The following ACBD5 variants were observed in gnomAD, a reference collection of about 807,000 sequenced individuals.
ACBD5 encodes acyl-CoA-binding domain-containing protein 5.
A neutral mutation model predicts 71.8 loss-of-function variants in ACBD5; 40 were observed. That is an observed-to-expected ratio of 0.56 (90% confidence interval 0.43 to 0.72). ACBD5 has a LOEUF of 0.72. Ranked by LOEUF, ACBD5 falls within the 30% of genes least tolerant of loss-of-function variation. ACBD5 has a pLI of 0.00. For missense variants in ACBD5, 559 were observed against 644.5 expected (o/e 0.87, Z 1.44); for synonymous variants, 229 against 218.6 (o/e 1.05, Z -0.42).
chr10:27,219,470 T>G lies in ACBD5; in HGVS notation c.625+253A>C, dbSNP rs78324900. ...AATAGCACATGTCTAATGCAGCATTTCAGGCCATCCATTTGGAGGAGTGGC... is the reference window on the plus strand; with the variant it reads ...AATAGCACATGTCTAATGCAGCATTGCAGGCCATCCATTTGGAGGAGTGGC... On this transcript the variant is annotated intron_variant, in intron 6 of 12. Transcript: ENST00000396271. 8.1e-3 allele frequency among the ~76,000 whole-genome samples: 1,240 copies of G among 152,328 alleles called. 9 individuals are homozygous for G. Among genetic ancestry groups the G allele is most frequent in the Non-Finnish European group, 0.012 (850 of 68,032 alleles).
At chr10:27,200,265 T>G (rs1326639722) in intron 12 of ACBD5, among the ~76,000 whole-genome samples, 1 of 152,178 alleles carries the variant, frequency 6.6e-6, no homozygotes, top group Non-Finnish European at 1.5e-5. Context: ...GAGTGACCTC[T>G]GGTCGTCCTC....
rs190522475 is a variant in ACBD5, at chr10:27,208,664, C to G, written c.1205-219G>C. Among the ~76,000 whole-genome samples the G allele has an allele frequency of 7.2e-5, 11 of 152,094 alleles. No homozygotes were observed. The East Asian group carries it at 2.1e-3, about 29-fold the overall frequency. On this transcript the variant is annotated intron_variant, in intron 9 of 12. Transcript: ENST00000396271. ...ACCAGCCTGGCCAACATGGCAAAAC[C>G]CTGTCTCTACTAAAAATACAAAAAT... is the stretch of plus-strand genomic sequence containing the variant.
At position 27,237,367 on chromosome 10, in the gene ACBD5, A is replaced by G. The variant is rs967957702; in HGVS notation, c.182-2155T>C. 2.6e-5 allele frequency among the ~76,000 whole-genome samples: 4 copies of G among 152,232 alleles called. No homozygotes were observed. In the East Asian group the frequency reaches 5.8e-4, roughly 22 times the overall value. ...ATTTTAATTTTAAAAGGTTAAGGTC[A>G]TACCAAACATAGATGTCATAGGATT... On this transcript the variant is annotated intron_variant, in intron 2 of 12. Transcript: ENST00000396271.
intron 4 of ACBD5, among the ~76,000 whole-genome samples, chr10:27,228,271 C>CAAA (rs201431372): frequency 0.028 from 3,917 of 140,508 alleles, 164 homozygotes; most frequent in South Asian, 0.14. Context: ...TAAATTTGTA[C>CAAA]AAAAAAAAAA....
chr10:27,201,352 CT>C (rs2136649411), intron 12 of ACBD5, among the ~76,000 whole-genome samples: 1 of 152,262 alleles, frequency 6.6e-6, no homozygotes, highest in South Asian at 2.1e-4. Context: ...AGGTATTGTT[CT>C]TCCTATCACA....
intron 11 of ACBD5, among the ~76,000 whole-genome samples, chr10:27,204,844 T>C (rs906246894): frequency 6.6e-6 from 1 of 152,108 alleles, no homozygotes; most frequent in Non-Finnish European, 1.5e-5. Flanking sequence ...TATGAAACCA[T>C]GGGCCGGGCG....
At chr10:27,212,884 G>T (rs1365219929) in intron 8 of ACBD5, among the ~76,000 whole-genome samples, 4 of 152,026 alleles carry the variant, frequency 2.6e-5, no homozygotes, top group African/African-American at 9.7e-5. Flanking sequence ...TTAAGTAAAA[G>T]ATATTTTATT....
At chr10:27,227,481 T>G (rs2063231227) in intron 4 of ACBD5, among the ~76,000 whole-genome samples, 1 of 152,178 alleles carries the variant, frequency 6.6e-6, no homozygotes, top group Admixed American at 6.6e-5. Flanking sequence ...TTCTAACCTT[T>G]TGAAGAGTGA....
At chr10:27,186,645 A>C (rs1564515515) in intron 13 of ACBD5, 9 of 1,022,232 alleles carry the variant, frequency 8.8e-6, no homozygotes, top group Non-Finnish European at 1.1e-5. Flanking sequence ...TATTTAACCT[A>C]GTTCAATGTG....
intron 3 of ACBD5, chr10:27,232,384 A>C (rs2063998841): frequency 7.0e-6 from 1 of 142,066 alleles, no homozygotes; most frequent in Admixed American, 7.4e-5. Context: ...GCTGGAGTGC[A>C]GTGGTGTGGT....
intron 12 of ACBD5, among the ~76,000 whole-genome samples, chr10:27,201,547 A>T (rs1216829955): frequency 1.3e-5 from 2 of 152,240 alleles, no homozygotes; most frequent in African/African-American, 4.8e-5. Context: ...TCATGCCTGT[A>T]ATCCCAGCAC....
In ACBD5 at chr10:27,195,647, A is replaced by T. The variant is rs1195864990; in HGVS notation, c.*1783T>A. 2.4e-6 allele frequency: 1 copy of T among 422,936 alleles called. No individual in the cohort carries two copies. The highest frequency in any genetic ancestry group is 2.9e-5 in the Admixed American group (1 of 34,226). The allele number at this position is 422,936 out of a possible 1,614,324, so 26.2% of individuals were successfully genotyped here. Reference sequence around the variant, plus strand: ...TTGCTTGCTTCACTTTTTCCTAAATAAATAGGGAACACTTTTTTAAAAGCA... The same window carrying T: ...TTGCTTGCTTCACTTTTTCCTAAATTAATAGGGAACACTTTTTTAAAAGCA... On this transcript the variant is annotated 3_prime_UTR_variant, in exon 13 of 13. Coordinates refer to ENST00000396271, the MANE Select transcript of ACBD5 (RefSeq NM_145698.5).
chr10:27,221,136 AC>A (rs1179436377), intron 5 of ACBD5, among the ~76,000 whole-genome samples: 1 of 74,254 alleles, frequency 1.3e-5, no homozygotes, highest in Non-Finnish European at 3.1e-5. Context: ...CTTACTTACA[AC>A]CCTTGGATCC....
chr10:27,241,493 C>A (rs1038104290), upstream of ACBD5, among the ~76,000 whole-genome samples: 1 of 152,056 alleles, frequency 6.6e-6, no homozygotes, highest in African/African-American at 2.4e-5. Flanking sequence ...TGGGCTGGGA[C>A]GGAGGGCAAC....
chr10:27,204,098 C>T (rs552600648), intron 12 of ACBD5, among the ~76,000 whole-genome samples: 1 of 145,822 alleles, frequency 6.9e-6, no homozygotes, highest in South Asian at 2.2e-4. Context: ...TGTGAACAGC[C>T]ACTGCCCTCC....
chr10:27,195,043 C>T (rs788230), downstream of ACBD5, among the ~76,000 whole-genome samples: 27,468 of 151,984 alleles, frequency 0.18, 3,036 homozygotes, highest in East Asian at 0.29. Context: ...TATTCTCAAC[C>T]AGATGACTAA....
At chr10:27,236,586 T>C (rs577058097) in intron 2 of ACBD5, among the ~76,000 whole-genome samples, 8 of 152,206 alleles carry the variant, frequency 5.3e-5, no homozygotes, top group South Asian at 2.1e-4. Flanking sequence ...TTGCATAAGC[T>C]AGCAGTTTAT....
At chr10:27,211,424 A>G (rs1010009394) in intron 8 of ACBD5, among the ~76,000 whole-genome samples, 19 of 152,048 alleles carry the variant, frequency 1.2e-4, no homozygotes, top group African/African-American at 2.7e-4. Context: ...GGGTTCAAGC[A>G]ATTCTCCTTC....
chr10:27,206,062 T>A (rs1332583263), intron 10 of ACBD5, among the ~76,000 whole-genome samples: 1 of 151,782 alleles, frequency 6.6e-6, no homozygotes, highest in Non-Finnish European at 1.5e-5. Context: ...CAAGCCTAGC[T>A]ATTTTAATTT....
Sources: allele counts gnomAD v4.1 joint callset (sites outside exome capture counted in the v4.1 genomes callset), GRCh38; gene constraint gnomAD v4.1.1; transcripts MANE v1.5; gene names NCBI Gene and HGNC (gene_info 2026-07-23, HGNC 2026-07-21).